The following FHIP2B variants were observed in gnomAD, a reference collection of about 807,000 sequenced individuals.
FHIP2B encodes FHF complex subunit HOOK interacting protein 2B.
In FHIP2B, 72 loss-of-function variants were observed where a neutral mutation model predicts 84.0. The observed-to-expected ratio is 0.86, with a 90% confidence interval of 0.71 to 1.04. FHIP2B has a LOEUF of 1.04. Ranked by LOEUF, FHIP2B falls within the 50% of genes least tolerant of loss-of-function variation. The pLI is 0.00. For missense variants in FHIP2B, 972 were observed against 968.9 expected, an observed-to-expected ratio of 1.00 and a Z score of -0.04; for synonymous variants, 497 against 418.7, an observed-to-expected ratio of 1.19 and a Z score of -2.28.
At chr8:22,100,044 T>G in intron 10 of FHIP2B, 151 bp downstream of exon 10, 1 of 717,880 alleles carries the variant, frequency 1.4e-6, no homozygotes, top group South Asian at 2.3e-5. Context: ...TATCACACAC[T>G]AATTTTCTAT....
At chr8:22,098,728 G>A in intron 7 of FHIP2B, 109 bp downstream of exon 7, 1 of 1,196,818 alleles carries the variant, frequency 8.4e-7, no homozygotes, top group South Asian at 1.6e-5. Flanking sequence ...GACCCCTGCT[G>A]GCCACCCTCT....
intron 9 of FHIP2B, 29 bp from the exon 10 acceptor site, chr8:22,099,675 G>A: frequency 1.9e-6 from 3 of 1,544,956 alleles, no homozygotes; most frequent in Non-Finnish European, 2.6e-6. Context: ...GCACACACCG[G>A]GCCTGGCTAA....
intron 10 of FHIP2B, 53 bp from the exon 11 acceptor site, chr8:22,100,541 C>A: frequency 6.7e-7 from 1 of 1,485,726 alleles, no homozygotes. Flanking sequence ...CCAAGGCACC[C>A]CTGGGAGCTG....
At position 22,094,468 on chromosome 8, in the gene FHIP2B, C is replaced by A. The variant is rs769817102; in HGVS notation, c.74C>A (p.Ala25Asp). The A allele has an allele frequency of 4.3e-6, 7 of 1,611,394 alleles. No homozygotes were observed. The African/African-American group carries it at 9.4e-5, about 22-fold the overall frequency. ...AREPSIDLLQAFVEHWKGITH... is the reference protein window; with the variant it reads ...AREPSIDLLQDFVEHWKGITH... ...GAGCCCAGCATTGACCTGCTGCAGG[C>A]CTTCGTGGAGCACTGGAAGGGCATC... Residue 25 changes from alanine (A) to aspartate (D), a missense_variant, in exon 2 of 17, where the codon GCC (alanine) becomes GAC (aspartate). Coordinates refer to ENST00000289921, the MANE Select transcript of FHIP2B (RefSeq NM_022749.7).
At chr8:22,091,159 T>G (rs1182615333) in intron 1 of FHIP2B, among the ~76,000 whole-genome samples, 1 of 151,770 alleles carries the variant, frequency 6.6e-6, no homozygotes, top group African/African-American at 2.4e-5. Context: ...GTGATCCTAG[T>G]AAGTCAACTG....
Position 22,102,807 on chromosome 8 carries a change from C to A in FHIP2B, c.2108C>A (p.Thr703Asn). 6.2e-7 allele frequency: 1 copy of A among 1,613,436 alleles called. No individual in the cohort carries two copies. The highest frequency in any genetic ancestry group is 2.2e-5 in the East Asian group (1 of 44,870). The change falls in exon 17 of 17, where the codon ACC becomes AAC. Residue 703 changes from threonine to asparagine, a missense_variant. Physicochemically the swap from Thr to Asn is moderately conservative, Grantham distance 65. Coordinates refer to ENST00000289921, the MANE Select transcript of FHIP2B (RefSeq NM_022749.7). ...TCTCCCCTCAGGCTGGACCACCAGACCCTCCTCCAGGGCGTGGTGGTGCTG... is the reference window on the plus strand; with the variant it reads ...TCTCCCCTCAGGCTGGACCACCAGAACCTCCTCCAGGGCGTGGTGGTGCTG... ...QAPGEQLDHQ[T>N]LLQGVVVLEE... is the part of the protein sequence containing the mutation.
intron 1 of FHIP2B, among the ~76,000 whole-genome samples, chr8:22,091,702 T>C (rs1179302676): frequency 6.6e-6 from 1 of 152,222 alleles, no homozygotes; most frequent in African/African-American, 2.4e-5. Flanking sequence ...TCTCCTGCCG[T>C]ACTGGAGTAT....
intron 7 of FHIP2B, 27 bp from the exon 8 acceptor site, chr8:22,098,921 T>G: frequency 1.1e-5 from 17 of 1,557,192 alleles, no homozygotes; most frequent in Non-Finnish European, 1.3e-5. Context: ...CTCCACTCTC[T>G]GAGACTTCAC....
intron 1 of FHIP2B, among the ~76,000 whole-genome samples, chr8:22,091,245 T>A (rs1825477133): frequency 4.7e-5 from 1 of 21,078 alleles, no homozygotes; most frequent in African/African-American, 2.0e-4. Flanking sequence ...TACAGCTTTT[T>A]TTTTTTTTTT....
Position 22,103,092 on chromosome 8 carries a change from G to A in FHIP2B, c.*161G>A. 1 of 960,640 alleles carries A rather than the reference G, an allele frequency of 1.0e-6. No homozygotes were observed. Among genetic ancestry groups the A allele is most frequent in the Non-Finnish European group, 1.5e-6 (1 of 665,614 alleles). The allele number at this position is 960,640 out of a possible 1,614,324, so 59.5% of individuals were successfully genotyped here. A position where few individuals can be genotyped will look rare whatever the true frequency, so the allele number is the denominator to read the frequency against. On this transcript the variant is annotated 3_prime_UTR_variant, in exon 17 of 17. Transcript: ENST00000289921. ...TGACCACACCAGACTGGGTTTCAGG[G>A]AATGGGCATGCCAGGTGCCAAGGAG... is the stretch of plus-strand genomic sequence containing the variant.
At chr8:22,093,450 C>G (rs1159041988) in intron 1 of FHIP2B, among the ~76,000 whole-genome samples, 1 of 152,078 alleles carries the variant, frequency 6.6e-6, no homozygotes, top group East Asian at 1.9e-4. Context: ...AGGGGCTTGC[C>G]CAGAGCAGAA....
intron 10 of FHIP2B, chr8:22,100,302 A>C (rs1362363644): frequency 1.5e-5 from 6 of 400,556 alleles, no homozygotes; most frequent in Non-Finnish European, 2.6e-5. Flanking sequence ...CTACTTCGTG[A>C]GGTAGGCGAG....
intron 2 of FHIP2B, chr8:22,094,937 C>G: frequency 9.7e-7 from 1 of 1,033,708 alleles, no homozygotes; most frequent in Non-Finnish European, 1.2e-6. Context: ...GGGCAATGTC[C>G]TTGTAGAGAT....
rs1825994665 is a variant in FHIP2B at position 22,099,698 on chromosome 8, C to T, written c.1152-6C>T. On this transcript the variant is annotated splice_region_variant and splice_polypyrimidine_tract_variant and intron_variant, in intron 9 of 16. Coordinates refer to ENST00000289921, the MANE Select transcript of FHIP2B (RefSeq NM_022749.7). ...CGGGCCTGGCTAAGGTGCCCTCTTC[C>T]CGTAGGTCCGAGCAGAGCATCTTGA... The T allele has an allele frequency of 1.3e-6, 2 of 1,565,978 alleles. No individual in the cohort carries two copies. Among genetic ancestry groups the T allele is most frequent in the Non-Finnish European group, 1.7e-6 (2 of 1,161,362 alleles).
chr8:22,095,568 C>T (rs1054950053), intron 2 of FHIP2B: 1 of 152,320 alleles, frequency 6.6e-6, no homozygotes, highest in African/African-American at 2.4e-5. Flanking sequence ...CAGATCAGAA[C>T]TGGCTGAAAT....
rs774456666 is a variant in FHIP2B, at chr8:22,102,820, C to T, written c.2121C>T (p.Gly707=). ...TGGACCACCAGACCCTCCTCCAGGG[C>T]GTGGTGGTGCTGGAGGAGTTCTGCA... is the stretch of plus-strand genomic sequence containing the variant. ...EQLDHQTLLQ[G]VVVLEEFCKE... Residue 707 remains glycine (G), a synonymous_variant, in exon 17 of 17, where the codon GGC becomes GGT. Coordinates refer to ENST00000289921, the MANE Select transcript of FHIP2B (RefSeq NM_022749.7). The T allele has an allele frequency of 5.2e-5, 84 of 1,613,606 alleles. No individual in the cohort carries two copies. The highest frequency in any genetic ancestry group is 5.6e-5 in the Non-Finnish European group (66 of 1,179,820).
chr8:22,098,078 T>C lies in FHIP2B; in HGVS notation c.536T>C (p.Ile179Thr). Residue 179 changes from isoleucine (I) to threonine (T), a missense_variant, in exon 6 of 17, where the codon ATT (isoleucine) becomes ACT (threonine). By Grantham distance (89) the Ile-to-Thr change is moderately conservative (BLOSUM62 -1). Coordinates refer to ENST00000289921, the MANE Select transcript of FHIP2B (RefSeq NM_022749.7). ...TCACCCTCTTTTCAGGGTAAAAAGA[T>C]TGTAGGTAGGAAGAAAGCATGCGGA... ...LLAYILEGKK[I>T]VGRKKACGEP... The C allele has an allele frequency of 1.3e-6, 2 of 1,591,850 alleles. No individual in the cohort carries two copies. The highest frequency in any genetic ancestry group is 1.7e-6 in the Non-Finnish European group (2 of 1,169,274).
chr8:22,098,010 T>G lies in FHIP2B; in HGVS notation c.526-58T>G. 3 of 1,534,916 alleles carry G rather than the reference T, an allele frequency of 2.0e-6. No homozygotes were observed. The South Asian group carries it at 3.8e-5, about 19-fold the overall frequency. On this transcript the variant is annotated intron_variant, in intron 5 of 16. Coordinates refer to ENST00000289921, the MANE Select transcript of FHIP2B (RefSeq NM_022749.7). ...CTGGCAGCCCACCCTGCGGTCCCAG[T>G]GGGGGACCCTGGGAAGTGGTCCCCA...
Position 22,102,188 on chromosome 8 carries a change from A to C in FHIP2B, c.1865A>C (p.Asn622Thr). Reference sequence around the variant, plus strand: ...ATGTTCCTACAGCCATACAGCCTGAACCTGCAGGTGACCTCGGTCCTGTCC... The same window carrying C: ...ATGTTCCTACAGCCATACAGCCTGACCCTGCAGGTGACCTCGGTCCTGTCC... ...SRILDQPYSL[N>T]LQVTSVLSRL... The change falls in exon 15 of 17, where the codon AAC (asparagine) becomes ACC (threonine). Residue 622 changes from asparagine (N) to threonine (T), a missense_variant. Coordinates refer to ENST00000289921, the MANE Select transcript of FHIP2B (RefSeq NM_022749.7). The C allele has an allele frequency of 6.2e-7, 1 of 1,613,428 alleles. No individual in the cohort carries two copies. The highest frequency in any genetic ancestry group is 8.5e-7 in the Non-Finnish European group (1 of 1,179,840).
Sources: gnomAD v4.1 joint callset for allele counts (sites outside exome capture counted in the v4.1 genomes callset) on GRCh38, gnomAD v4.1.1 for gene constraint, MANE v1.5 for transcripts, NCBI Gene and HGNC (gene_info 2026-07-23, HGNC 2026-07-21) for gene names.